CTNNA3: variants seen among roughly 807,000 people sequenced by gnomAD.
CTNNA3 encodes the protein catenin alpha 3, also known as catenin alpha-3.
CTNNA3 carries 76 observed loss-of-function variants against 95.7 expected under a neutral mutation model. The ratio of observed to expected loss-of-function variants is 0.79; its 90% confidence interval spans 0.66 to 0.96. CTNNA3 has a LOEUF of 0.96. Ranked by LOEUF, CTNNA3 falls within the 40% of genes least tolerant of loss-of-function variation. The pLI is 0.00. For synonymous variants in CTNNA3, 431 were observed against 374.4 expected, an observed-to-expected ratio of 1.15 and a Z score of -1.74; for missense variants, 1,191 against 1,089.8, an observed-to-expected ratio of 1.09 and a Z score of -1.31.
At chr10:67,436,654 T>C (rs114264941) in intron 5 of CTNNA3, among the ~76,000 whole-genome samples, 2,397 of 152,052 alleles carry the variant, frequency 0.016, 61 homozygotes, top group African/African-American at 0.055. Flanking sequence ...CATCAAAAAA[T>C]GGGCTAAAGA....
chr10:67,107,273 T>C (rs1378495360), intron 7 of CTNNA3, among the ~76,000 whole-genome samples: 1 of 152,268 alleles, frequency 6.6e-6, no homozygotes, highest in Non-Finnish European at 1.5e-5. Flanking sequence ...TTGGCCTTTC[T>C]AGGCAAGCCT....
chr10:66,714,550 G>A (rs901798817), intron 9 of CTNNA3, among the ~76,000 whole-genome samples: 6 of 152,008 alleles, frequency 3.9e-5, no homozygotes, highest in African/African-American at 1.4e-4. Context: ...CCCCTATCTT[G>A]TCTACTTTCT....
At chr10:66,554,948 G>A (rs1842344827) in intron 10 of CTNNA3, among the ~76,000 whole-genome samples, 1 of 151,614 alleles carries the variant, frequency 6.6e-6, no homozygotes, top group African/African-American at 2.4e-5. Context: ...CTGCATACTT[G>A]GCTCTCTGAT....
chr10:67,004,593 C>T (rs745339561), intron 7 of CTNNA3, among the ~76,000 whole-genome samples: 7 of 152,036 alleles, frequency 4.6e-5, no homozygotes, highest in Admixed American at 2.0e-4. Flanking sequence ...AACCTTGATC[C>T]GTTCTAATAG....
At chr10:66,937,927 C>T (rs1847799043) in intron 7 of CTNNA3, among the ~76,000 whole-genome samples, 1 of 152,166 alleles carries the variant, frequency 6.6e-6, no homozygotes, top group South Asian at 2.1e-4. Context: ...GCATCACAGT[C>T]TACCTTATGT....
chr10:67,071,453 C>A (rs1856455532), intron 7 of CTNNA3, among the ~76,000 whole-genome samples: 1 of 151,160 alleles, frequency 6.6e-6, no homozygotes, highest in African/African-American at 2.4e-5. Context: ...TTTATCTTCT[C>A]ACTTCTTTTG....
At position 67,601,825 on chromosome 10, in the gene CTNNA3, C is replaced by T. The variant is rs184402974; in HGVS notation, c.292+5032G>A. On this transcript the variant is annotated intron_variant, in intron 3 of 17. Coordinates refer to ENST00000433211, the MANE Select transcript of CTNNA3 (RefSeq NM_013266.4). ...GAACCACCTCTGCTGAATCTCTACA[C>T]TTCTACCCACATACTACACATACTA... Among the ~76,000 whole-genome samples the T allele has an allele frequency of 5.9e-5, 9 of 152,280 alleles. No homozygotes were observed. In the East Asian group the frequency reaches 1.5e-3, roughly 26 times the overall value.
At position 67,536,082 on chromosome 10, in the gene CTNNA3, G is replaced by A. The variant is rs189138989; in HGVS notation, c.459+3421C>T. Among the ~76,000 whole-genome samples, 208 of 152,124 alleles carry A rather than the reference G, an allele frequency of 1.4e-3. 1 individual carries two copies. The highest frequency in any genetic ancestry group is 4.6e-3 in the African/African-American group (192 of 41,540). On this transcript the variant is annotated intron_variant, in intron 4 of 17. Transcript: ENST00000433211. Reference sequence around the variant, plus strand: ...TGTCGAGTAGATCAAAATAAAGACTGAAAATTTCAGCAGGAAACTAAAAGT... The same window carrying A: ...TGTCGAGTAGATCAAAATAAAGACTAAAAATTTCAGCAGGAAACTAAAAGT...
chr10:66,646,725 T>G lies in CTNNA3; in HGVS notation c.1282-24941A>C, dbSNP rs570127440. 7.2e-5 allele frequency among the ~76,000 whole-genome samples: 11 copies of G among 152,252 alleles called. No homozygotes were observed. The East Asian group carries it at 2.1e-3, about 29-fold the overall frequency. On this transcript the variant is annotated intron_variant, in intron 9 of 17. Coordinates refer to ENST00000433211, the MANE Select transcript of CTNNA3 (RefSeq NM_013266.4). ...GCTTCCATCATTCACTCACTGGGAT[T>G]CCCATCAACATACAGCATCCTTGGC...
chr10:66,504,295 C>A (rs1440809823), intron 11 of CTNNA3, among the ~76,000 whole-genome samples: 1 of 152,162 alleles, frequency 6.6e-6, no homozygotes, highest in Non-Finnish European at 1.5e-5. Context: ...CTCCTAGATG[C>A]ATTTTAAAAA....
rs573576332 is a variant in CTNNA3 at position 66,691,225 on chromosome 10, C to A, written c.1282-69441G>T. 9.9e-5 allele frequency among the ~76,000 whole-genome samples: 15 copies of A among 152,234 alleles called. No homozygotes were observed. In the South Asian group the frequency reaches 3.1e-3, roughly 32 times the overall value. The stretch of plus-strand genomic sequence containing the variant: ...CCTAGTCAAAGAAAGGGGTGACAGA[C>A]GGCACCTGGAAAATCGGGTCACTCC... On this transcript the variant is annotated intron_variant, in intron 9 of 17. Transcript: ENST00000433211.
chr10:66,768,536 G>A (rs1353684304), intron 8 of CTNNA3, among the ~76,000 whole-genome samples: 1 of 152,180 alleles, frequency 6.6e-6, no homozygotes, highest in Non-Finnish European at 1.5e-5. Context: ...CTCTTCAAAT[G>A]TAGTTATCCT....
At chr10:67,509,527 T>C (rs2133124773) in intron 5 of CTNNA3, among the ~76,000 whole-genome samples, 1 of 152,332 alleles carries the variant, frequency 6.6e-6, no homozygotes, top group Middle Eastern at 3.4e-3. Flanking sequence ...GAACTCATCC[T>C]TTTTTATGGC....
At chr10:66,962,450 G>A (rs1300065300) in intron 7 of CTNNA3, among the ~76,000 whole-genome samples, 17 of 149,866 alleles carry the variant, frequency 1.1e-4, no homozygotes, top group South Asian at 4.2e-4. Context: ...TCACTCTGTC[G>A]CTAGGCTGGA....
intron 3 of CTNNA3, among the ~76,000 whole-genome samples, chr10:67,557,127 A>G (rs867632819): frequency 3.6e-4 from 55 of 152,250 alleles, no homozygotes; most frequent in African/African-American, 9.9e-4. Context: ...ATCTTAAAGT[A>G]ACAGAATGGA....
At chr10:67,015,074 G>T (rs938745368) in intron 7 of CTNNA3, among the ~76,000 whole-genome samples, 3 of 152,042 alleles carry the variant, frequency 2.0e-5, no homozygotes, top group Non-Finnish European at 4.4e-5. Context: ...AACTTTAGGA[G>T]GTTAGAATCA....
intron 5 of CTNNA3, among the ~76,000 whole-genome samples, chr10:67,350,560 G>C (rs907082250): frequency 1.4e-5 from 2 of 139,582 alleles, no homozygotes; most frequent in East Asian, 2.0e-4. Context: ...TGACCAAATG[G>C]TTAGTAAAAA....
chr10:66,944,277 T>G (rs1275935210), intron 7 of CTNNA3, among the ~76,000 whole-genome samples: 1 of 152,190 alleles, frequency 6.6e-6, no homozygotes, highest in African/African-American at 2.4e-5. Context: ...AGGAGAAGAT[T>G]TTATCTCAAG....
At chr10:67,029,833 C>T (rs1035351502) in intron 7 of CTNNA3, among the ~76,000 whole-genome samples, 1 of 152,126 alleles carries the variant, frequency 6.6e-6, no homozygotes, top group Non-Finnish European at 1.5e-5. Flanking sequence ...ATTAAAAGCA[C>T]GGTTCCTCAA....
Sources: gnomAD v4.1 joint callset for allele counts (sites outside exome capture counted in the v4.1 genomes callset) on GRCh38, gnomAD v4.1.1 for gene constraint, MANE v1.5 for transcripts, NCBI Gene and HGNC (gene_info 2026-07-23, HGNC 2026-07-21) for gene names.